Variants in PLAC1 observed in about 807,000 individuals in gnomAD.
PLAC1 encodes the protein placenta-specific protein 1.
For missense variants in PLAC1, 136 were observed against 163.2 expected, an observed-to-expected ratio of 0.83 and a Z score of 0.91; for synonymous variants, 68 against 62.1, an observed-to-expected ratio of 1.09 and a Z score of -0.44.
chrX:134,582,206 A>T (rs1340028837), intron 2 of PLAC1, among the ~76,000 whole-genome samples: 1 of 112,452 alleles, frequency 8.9e-6, no homozygotes, highest in Non-Finnish European at 1.9e-5. Context: ...CAGTTCTGCT[A>T]AGAAACTAGG....
At chrX:134,600,400 T>G (rs1350000675) in intron 2 of PLAC1, among the ~76,000 whole-genome samples, 2 of 111,839 alleles carry the variant, frequency 1.8e-5, no homozygotes, top group East Asian at 5.6e-4. Flanking sequence ...CACCTAGGCT[T>G]AAGTGAGCCA....
At chrX:134,630,027 A>G (rs1265863645) in intron 1 of PLAC1, among the ~76,000 whole-genome samples, 2 of 95,857 alleles carry the variant, frequency 2.1e-5, no homozygotes, top group Non-Finnish European at 4.0e-5. Flanking sequence ...GCTGGAGTGC[A>G]ATGGTGCGAT....
intron 2 of PLAC1, among the ~76,000 whole-genome samples, chrX:134,732,986 C>T (rs1453768543): frequency 9.0e-6 from 1 of 111,377 alleles, no homozygotes; most frequent in Admixed American, 9.5e-5. Context: ...GGAATAGACA[C>T]CCACTGCTGT....
At chrX:134,620,679 C>A (rs17000670) in intron 1 of PLAC1, among the ~76,000 whole-genome samples, 5,126 of 111,692 alleles carry the variant, frequency 0.046, 307 homozygotes, top group African/African-American at 0.16. Context: ...CCCTGCCTAT[C>A]TCACAGGAGC....
In PLAC1 at chrX:134,566,028, AC is replaced by A; in HGVS notation, c.*15del. ...ATTCTAGAAATAGCATCTTCAGGAG[AC>A]CCCAAACCTGAGGATCACATGGACC... On this transcript the variant is annotated 3_prime_UTR_variant, in exon 3 of 3. Transcript: ENST00000359237. The A allele has an allele frequency of 1.7e-6, 2 of 1,181,058 alleles. No individual in the cohort carries two copies. Among genetic ancestry groups the A allele is most frequent in the South Asian group, 3.6e-5 (2 of 55,397 alleles).
chrX:134,677,340 A>G (rs918711162), intron 2 of PLAC1, among the ~76,000 whole-genome samples: 3 of 112,592 alleles, frequency 2.7e-5, no homozygotes, highest in African/African-American at 9.7e-5. Context: ...TTCTAGTAAG[A>G]AAAGACAAGT....
At chrX:134,646,870 C>G (rs769959518) in intron 1 of PLAC1, among the ~76,000 whole-genome samples, 1 of 112,075 alleles carries the variant, frequency 8.9e-6, no homozygotes, top group Non-Finnish European at 1.9e-5. Context: ...AAGACTAGAC[C>G]GGGCTTGCAG....
chrX:134,742,574 C>T (rs1271480450), intron 1 of PLAC1, among the ~76,000 whole-genome samples: 2 of 107,426 alleles, frequency 1.9e-5, no homozygotes, highest in Admixed American at 2.0e-4. Flanking sequence ...GGCGACAGAG[C>T]GAGACTCTGT....
chrX:134,565,846 C>T lies in PLAC1; in HGVS notation c.*198G>A, dbSNP rs1457721473. 1 of 386,444 alleles carries T rather than the reference C, an allele frequency of 2.6e-6. No individual in the cohort carries two copies. 31.8% of individuals were successfully genotyped at this position (386,444 alleles called of 1,213,427 possible). ...TAAAAATGCCCAACATATTTTTATG[C>T]GATCAGAATTTTATTTTATTTTTTG... On this transcript the variant is annotated 3_prime_UTR_variant, in exon 3 of 3. Coordinates refer to ENST00000359237, the MANE Select transcript of PLAC1 (RefSeq NM_021796.4).
At chrX:134,607,100 G>T (rs2078126269) in intron 1 of PLAC1, 1 of 113,824 alleles carries the variant, frequency 8.8e-6, no homozygotes, top group East Asian at 2.7e-4. Flanking sequence ...TAATAAAAAA[G>T]ACAGATGATC....
intron 2 of PLAC1, among the ~76,000 whole-genome samples, chrX:134,691,731 G>A (rs1202581413): frequency 1.8e-5 from 2 of 111,571 alleles, no homozygotes; most frequent in Non-Finnish European, 3.8e-5. Context: ...ATAAGAATGC[G>A]TTCTCTCTAG....
intron 2 of PLAC1, among the ~76,000 whole-genome samples, chrX:134,599,090 G>A (rs1457424975): frequency 9.0e-6 from 1 of 111,383 alleles, no homozygotes; most frequent in Admixed American, 9.6e-5. Flanking sequence ...GATGGTAGGT[G>A]GTTTTTTATG....
chrX:134,699,647 G>A (rs768846324), intron 2 of PLAC1, among the ~76,000 whole-genome samples: 80 of 112,566 alleles, frequency 7.1e-4, no homozygotes, highest in Middle Eastern at 4.6e-3. Context: ...CCAGTCTGCA[G>A]TACATTGTTA....
At chrX:134,587,934 AG>A (rs2078013893) in intron 2 of PLAC1, among the ~76,000 whole-genome samples, 2 of 111,817 alleles carry the variant, frequency 1.8e-5, no homozygotes, top group Non-Finnish European at 3.8e-5. Flanking sequence ...TGTAAGAAAA[AG>A]GGCACGTTTC....
In PLAC1 at chrX:134,645,397, G is replaced by A. The variant is rs773410682; in HGVS notation, c.-131+12931C>T. On this transcript the variant is annotated intron_variant, in intron 1 of 2. Transcript: ENST00000359237. ...TGATTTGCTCAAGGTTCACATTGCT[G>A]ATAATGGTAGATCTGGAATTCAAAG... Among the ~76,000 whole-genome samples, 3 of 112,139 alleles carry A rather than the reference G, an allele frequency of 2.7e-5. No individual in the cohort carries two copies. In the South Asian group the frequency reaches 1.1e-3, roughly 42 times the overall value.
chrX:134,704,635 T>C (rs1313054017), intron 2 of PLAC1, among the ~76,000 whole-genome samples: 2 of 105,914 alleles, frequency 1.9e-5, no homozygotes, highest in African/African-American at 6.8e-5. Context: ...TTAATATATA[T>C]TTATATATTA....
chrX:134,611,845 C>A (rs1042909240), intron 1 of PLAC1, among the ~76,000 whole-genome samples: 3 of 111,200 alleles, frequency 2.7e-5, no homozygotes, highest in African/African-American at 9.8e-5. Context: ...CTAGGTCACA[C>A]TTGAACCCCT....
upstream of PLAC1, among the ~76,000 whole-genome samples, chrX:134,662,062 G>A (rs1393245972): frequency 9.0e-6 from 1 of 111,296 alleles, no homozygotes; most frequent in Non-Finnish European, 1.9e-5. Flanking sequence ...AACATAGGGA[G>A]ACCATATCTC....
At chrX:134,636,571 G>A (rs190473309) in intron 1 of PLAC1, among the ~76,000 whole-genome samples, 2 of 112,145 alleles carry the variant, frequency 1.8e-5, no homozygotes, top group East Asian at 2.8e-4. Context: ...AGTGCATTTC[G>A]GAGGAGGGAT....
Sources: allele counts gnomAD v4.1 joint callset (sites outside exome capture counted in the v4.1 genomes callset), GRCh38; gene constraint gnomAD v4.1.1; transcripts MANE v1.5; gene names NCBI Gene and HGNC (gene_info 2026-07-23, HGNC 2026-07-21).